The following GPR137B variants were observed in gnomAD, a reference collection of about 807,000 sequenced individuals.
GPR137B encodes the protein integral membrane protein GPR137B.
In GPR137B, 42 loss-of-function variants were observed where a neutral mutation model predicts 42.5. The observed-to-expected ratio is 0.99, with a 90% CI of 0.77 to 1.28. The LOEUF (loss-of-function observed/expected upper bound fraction) is 1.28, where lower values mean the gene tolerates loss of function less well. Ranked by LOEUF, GPR137B falls within the 50% of genes most tolerant of loss-of-function variation. The pLI is 0.00. For synonymous variants in GPR137B, 218 were observed against 209.7 expected, an observed-to-expected ratio of 1.04 and a Z score of -0.34; for missense variants, 487 against 493.9, an observed-to-expected ratio of 0.99 and a Z score of 0.13.
At chr1:236,169,574 GA>G (rs1166319465) in intron 2 of GPR137B, among the ~76,000 whole-genome samples, 2 of 152,222 alleles carry the variant, frequency 1.3e-5, no homozygotes, top group Admixed American at 6.5e-5. Context: ...TGGACACCGG[GA>G]GGCATGGACA....
intron 5 of GPR137B, among the ~76,000 whole-genome samples, chr1:236,204,619 A>AAG (rs1663599558): frequency 6.6e-6 from 1 of 152,168 alleles, no homozygotes; most frequent in Non-Finnish European, 1.5e-5. Flanking sequence ...AGAAAACCTT[A>AAG]AGAGAGCTCT....
At chr1:236,178,948 C>G (rs1247243766) in intron 3 of GPR137B, among the ~76,000 whole-genome samples, 1 of 151,524 alleles carries the variant, frequency 6.6e-6, no homozygotes, top group Non-Finnish European at 1.5e-5. Context: ...CAGGCACCCA[C>G]CACTACGCCT....
Position 236,143,046 on chromosome 1 carries a change from A to G in GPR137B, c.414+10A>G. 6.2e-7 allele frequency: 1 copy of G among 1,600,508 alleles called. No individual in the cohort carries two copies. Among genetic ancestry groups the G allele is most frequent in the African/African-American group, 1.3e-5 (1 of 74,652 alleles). On this transcript the variant is annotated intron_variant, in intron 1 of 6. Transcript: ENST00000366592. ...CTTGTACTTCACGCAGGTGAGTTTCAGAGAGGCTCCTGGAGGCGCTCACCT... is the reference window on the plus strand; with the variant it reads ...CTTGTACTTCACGCAGGTGAGTTTCGGAGAGGCTCCTGGAGGCGCTCACCT...
At chr1:236,185,996 C>T (rs1189818653) in intron 5 of GPR137B, among the ~76,000 whole-genome samples, 1 of 151,312 alleles carries the variant, frequency 6.6e-6, no homozygotes, top group Non-Finnish European at 1.5e-5. Context: ...TCCCTAGTCT[C>T]GACTTTCATA....
chr1:236,177,963 A>G (rs1484574325), intron 2 of GPR137B, among the ~76,000 whole-genome samples: 1 of 152,114 alleles, frequency 6.6e-6, no homozygotes, highest in Non-Finnish European at 1.5e-5. Context: ...CCTAATCCCC[A>G]CAAAAGACCT....
At chr1:236,198,846 G>C (rs1572007938) in intron 5 of GPR137B, among the ~76,000 whole-genome samples, 1 of 152,108 alleles carries the variant, frequency 6.6e-6, no homozygotes, top group Non-Finnish European at 1.5e-5. Context: ...TGTCATTGGT[G>C]AACAGTGACA....
At chr1:236,167,170 A>T (rs1252205248) in intron 1 of GPR137B, among the ~76,000 whole-genome samples, 1 of 152,228 alleles carries the variant, frequency 6.6e-6, no homozygotes, top group Admixed American at 6.5e-5. Flanking sequence ...GTGCACCGTG[A>T]TGTTTTGATA....
intron 1 of GPR137B, among the ~76,000 whole-genome samples, chr1:236,161,093 C>T (rs10465608): frequency 0.023 from 3,448 of 152,142 alleles, 120 homozygotes; most frequent in African/African-American, 0.078. Flanking sequence ...CCCGCCACGC[C>T]CTCCAGGCCC....
intron 6 of GPR137B, chr1:236,207,257 G>A (rs962174629): frequency 2.9e-5 from 29 of 985,214 alleles, no homozygotes; most frequent in Admixed American, 6.1e-5. Context: ...TGCCCAATGC[G>A]CTGAGCCAGC....
intron 5 of GPR137B, among the ~76,000 whole-genome samples, chr1:236,202,922 C>T (rs1663538022): frequency 6.6e-6 from 1 of 152,172 alleles, no homozygotes; most frequent in African/African-American, 2.4e-5. Context: ...CATTCTTCTG[C>T]ATATGGATAT....
chr1:236,143,829 TG>T (rs1308452908), intron 1 of GPR137B, among the ~76,000 whole-genome samples: 1 of 152,266 alleles, frequency 6.6e-6, no homozygotes, highest in Non-Finnish European at 1.5e-5. Flanking sequence ...GTTGACTTAA[TG>T]AAAGTGCAGT....
intron 1 of GPR137B, among the ~76,000 whole-genome samples, chr1:236,151,522 C>A (rs1199536131): frequency 6.8e-6 from 1 of 146,070 alleles, no homozygotes; most frequent in African/African-American, 2.5e-5. Context: ...CTCCCAGGTT[C>A]AAGTGATTCT....
intron 1 of GPR137B, among the ~76,000 whole-genome samples, chr1:236,149,752 C>T (rs1362916515): frequency 6.6e-6 from 1 of 152,246 alleles, no homozygotes; most frequent in East Asian, 1.9e-4. Context: ...GCCTCTGGGC[C>T]CTGCGCCCAT....
chr1:236,149,883 C>T (rs1558477932), intron 1 of GPR137B, among the ~76,000 whole-genome samples: 2 of 150,630 alleles, frequency 1.3e-5, no homozygotes, highest in African/African-American at 4.9e-5. Context: ...TGCCTGTGTG[C>T]ACCTGTGTGT....
At chr1:236,165,457 C>T (rs1019108803) in intron 1 of GPR137B, among the ~76,000 whole-genome samples, 4 of 152,210 alleles carry the variant, frequency 2.6e-5, no homozygotes, top group Admixed American at 2.0e-4. Context: ...CCTTCCCTTT[C>T]AGGGCTAGAA....
intron 2 of GPR137B, among the ~76,000 whole-genome samples, chr1:236,172,001 T>G (rs1662549651): frequency 6.7e-6 from 1 of 148,822 alleles, no homozygotes; most frequent in Non-Finnish European, 1.5e-5. Context: ...ATTGTGCCAT[T>G]GCACTCCAGC....
In GPR137B at chr1:236,208,280, T is replaced by A. The variant is rs1312854041; in HGVS notation, c.*122T>A. 6.8e-7 allele frequency: 1 copy of A among 1,469,268 alleles called. No homozygotes were observed. The highest frequency in any genetic ancestry group is 9.0e-7 in the Non-Finnish European group (1 of 1,114,868). The allele number at this position is 1,469,268 out of a possible 1,614,324, so 91.0% of individuals were successfully genotyped here. On this transcript the variant is annotated 3_prime_UTR_variant, in exon 7 of 7. Transcript: ENST00000366592. ...GAACTTGATTTTTATTTGTTACAGG[T>A]TTCCAATGGCCCCATAGGAATAAGC...
intron 6 of GPR137B, among the ~76,000 whole-genome samples, chr1:236,205,575 T>C (rs1053267303): frequency 6.6e-6 from 1 of 152,230 alleles, no homozygotes; most frequent in Non-Finnish European, 1.5e-5. Flanking sequence ...GGTCTCACTC[T>C]GTTGCCCGGC....
intron 2 of GPR137B, among the ~76,000 whole-genome samples, chr1:236,170,918 G>A (rs1338730069): frequency 1.3e-5 from 2 of 151,280 alleles, no homozygotes; most frequent in Admixed American, 6.6e-5. Context: ...GGAGATTGCA[G>A]TGTGTGGAGA....
Sources: gnomAD v4.1 joint callset for allele counts (sites outside exome capture counted in the v4.1 genomes callset) on GRCh38, gnomAD v4.1.1 for gene constraint, MANE v1.5 for transcripts, NCBI Gene and HGNC (gene_info 2026-07-23, HGNC 2026-07-21) for gene names.